Variants in AK5 observed in about 807,000 individuals in gnomAD.
The protein encoded by AK5 is adenylate kinase 5.
Under a neutral mutation model 69.5 loss-of-function variants are expected in AK5, and 27 were observed. The ratio of observed to expected loss-of-function variants is 0.39; its 90% CI spans 0.29 to 0.54. AK5 has a LOEUF of 0.54. AK5 is among the 20% of genes least tolerant of loss of function. The pLI is 0.71. For missense variants in AK5, 531 were observed against 700.4 expected (o/e 0.76, Z 2.73); for synonymous variants, 260 against 244.4 (o/e 1.06, Z -0.60).
chr1:77,311,481 GA>G (rs1473282177), intron 5 of AK5, among the ~76,000 whole-genome samples: 1 of 151,976 alleles, frequency 6.6e-6, no homozygotes, highest in African/African-American at 2.4e-5. Flanking sequence ...TCAAGAATGA[GA>G]ATAATAATGT....
chr1:77,487,581 T>G (rs1418382611), intron 10 of AK5, among the ~76,000 whole-genome samples: 4 of 152,184 alleles, frequency 2.6e-5, no homozygotes, highest in Non-Finnish European at 5.9e-5. Flanking sequence ...CAGATAAACT[T>G]AAGACTCTTG....
chr1:77,302,039 G>A (rs1056206126), intron 5 of AK5, among the ~76,000 whole-genome samples: 3 of 151,038 alleles, frequency 2.0e-5, no homozygotes, highest in Admixed American at 6.6e-5. Context: ...CTGCAGCCTC[G>A]AACTCCTGGA....
Position 77,473,148 on chromosome 1 carries a change from T to C in AK5, c.1060-10169T>C, listed in dbSNP as rs1299934246. On this transcript the variant is annotated intron_variant, in intron 8 of 13. Transcript: ENST00000354567. ...TTCTACCACAGAACTCAGTAAATAT[T>C]GGTTGAATTGTTGCATGAGCAGTAG... Among the ~76,000 whole-genome samples, 4 of 152,026 alleles carry C rather than the reference T, an allele frequency of 2.6e-5. No individual in the cohort carries two copies. In the East Asian group the frequency reaches 5.8e-4, roughly 22 times the overall value.
chr1:77,322,733 T>A (rs1660599332), intron 5 of AK5, among the ~76,000 whole-genome samples: 1 of 152,088 alleles, frequency 6.6e-6, no homozygotes, highest in Admixed American at 6.5e-5. Context: ...TCTCCAGTGC[T>A]CTCTCCACCC....
chr1:77,437,734 A>T (rs1291269545), intron 8 of AK5, among the ~76,000 whole-genome samples: 3 of 152,174 alleles, frequency 2.0e-5, no homozygotes, highest in African/African-American at 7.2e-5. Context: ...TGTCTGATTT[A>T]CTTGATTAGT....
chr1:77,333,552 A>C (rs6603940), intron 5 of AK5, among the ~76,000 whole-genome samples: 87,955 of 141,116 alleles, frequency 0.62, 27,163 homozygotes, highest in Middle Eastern at 0.73. Flanking sequence ...TCTCCCCCCC[A>C]CCATGCTAGT....
At chr1:77,357,527 T>C (rs1040733362) in intron 6 of AK5, among the ~76,000 whole-genome samples, 10 of 152,162 alleles carry the variant, frequency 6.6e-5, no homozygotes, top group Non-Finnish European at 1.2e-4. Flanking sequence ...AATAATACCT[T>C]ACATTCATTG....
At chr1:77,466,223 T>C (rs750988684) in intron 8 of AK5, among the ~76,000 whole-genome samples, 1 of 152,120 alleles carries the variant, frequency 6.6e-6, no homozygotes, top group Non-Finnish European at 1.5e-5. Context: ...TGGGACATGT[T>C]TGTCACTCCC....
intron 6 of AK5, among the ~76,000 whole-genome samples, chr1:77,347,860 C>G (rs1037000181): frequency 6.6e-6 from 1 of 152,236 alleles, no homozygotes; most frequent in South Asian, 2.1e-4. Flanking sequence ...ACAACTTTTC[C>G]ATCCCCAAAG....
chr1:77,357,017 G>A (rs916705025), intron 6 of AK5, among the ~76,000 whole-genome samples: 3 of 152,028 alleles, frequency 2.0e-5, no homozygotes, highest in Admixed American at 6.6e-5. Flanking sequence ...GTCTTCTTCC[G>A]ATTTGGCTTC....
intron 8 of AK5, among the ~76,000 whole-genome samples, chr1:77,470,844 TATATATATATATATATATA>T (rs1557615451): frequency 0.013 from 52 of 3,896 alleles, no homozygotes; most frequent in East Asian, 0.083. Flanking sequence ...TATATATATA[TATATATATATATATATATA>T]TATATATATA....
intron 10 of AK5, among the ~76,000 whole-genome samples, chr1:77,493,003 G>T (rs1049792224): frequency 5.9e-5 from 9 of 152,212 alleles, no homozygotes; most frequent in African/African-American, 1.9e-4. Context: ...GGATTTGATT[G>T]TGTTTCCACT....
chr1:77,558,521 G>A (rs1570366311), intron 13 of AK5, 81 bp from the exon 14 acceptor site: 1 of 889,998 alleles, frequency 1.1e-6, no homozygotes, highest in East Asian at 2.5e-5. Flanking sequence ...CAAATTATGA[G>A]CAAGTGATAG....
At position 77,320,526 on chromosome 1, in the gene AK5, G is replaced by A. The variant is rs566468014; in HGVS notation, c.700-19851G>A. Among the ~76,000 whole-genome samples, 4 of 152,164 alleles carry A rather than the reference G, an allele frequency of 2.6e-5. No homozygotes were observed. The East Asian group carries it at 7.7e-4, about 29-fold the overall frequency. On this transcript the variant is annotated intron_variant, in intron 5 of 13. Transcript: ENST00000354567. ...CACTTTGGGAGGCTGAGGCAGGTGG[G>A]TCACCTGAGGTCAGGAGTTTGGGAC...
chr1:77,392,587 A>G (rs1648559018), intron 6 of AK5, among the ~76,000 whole-genome samples: 1 of 152,212 alleles, frequency 6.6e-6, no homozygotes, highest in Non-Finnish European at 1.5e-5. Context: ...GTGTGTGCCC[A>G]GGGAGTTGTG....
At chr1:77,525,259 T>C (rs1244578232) in intron 12 of AK5, among the ~76,000 whole-genome samples, 3 of 152,244 alleles carry the variant, frequency 2.0e-5, no homozygotes, top group African/African-American at 7.2e-5. Flanking sequence ...TTATTTTGCA[T>C]ACGGATATCT....
intron 6 of AK5, among the ~76,000 whole-genome samples, chr1:77,368,413 A>G (rs1031156986): frequency 2.1e-5 from 3 of 144,676 alleles, no homozygotes; most frequent in African/African-American, 7.6e-5. Flanking sequence ...ATTTTATGCA[A>G]TATTTTAAAT....
intron 8 of AK5, among the ~76,000 whole-genome samples, chr1:77,481,223 C>T (rs932454682): frequency 8.5e-5 from 13 of 152,240 alleles, no homozygotes; most frequent in Non-Finnish European, 1.3e-4. Flanking sequence ...AAGGACATGA[C>T]GGCATGGCCA....
intron 10 of AK5, among the ~76,000 whole-genome samples, chr1:77,512,537 CTTTTTT>C (rs61162386): frequency 6.6e-6 from 1 of 151,438 alleles, no homozygotes; most frequent in Non-Finnish European, 1.5e-5. Context: ...ATTTCAGAGA[CTTTTTT>C]TTTATTATAC....
Sources: allele counts gnomAD v4.1 joint callset (sites outside exome capture counted in the v4.1 genomes callset), GRCh38; gene constraint gnomAD v4.1.1; transcripts MANE v1.5; gene names NCBI Gene and HGNC (gene_info 2026-07-23, HGNC 2026-07-21).